TRIO: variants seen among roughly 807,000 people sequenced by gnomAD.
TRIO encodes triple functional domain protein.
In TRIO, 58 loss-of-function variants were observed where a neutral mutation model predicts 351.9. That is an observed-to-expected ratio of 0.16 (90% CI 0.13 to 0.21). The LOEUF (loss-of-function observed/expected upper bound fraction) is 0.21. TRIO is among the 10% of genes least tolerant of loss of function. The pLI is 1.00. For synonymous variants in TRIO, 1,758 were observed against 1,595.7 expected, an observed-to-expected ratio of 1.10 and a Z score of -2.42; for missense variants, 3,201 against 4,027.8, an observed-to-expected ratio of 0.79 and a Z score of 5.56.
intron 11 of TRIO, among the ~76,000 whole-genome samples, chr5:14,341,488 T>C (rs1284996604): frequency 6.6e-6 from 1 of 152,254 alleles, no homozygotes; most frequent in Non-Finnish European, 1.5e-5. Context: ...CTAACTAGTC[T>C]ACCTCCTGGA....
At chr5:14,317,455 G>A (rs1006475507) in intron 9 of TRIO, among the ~76,000 whole-genome samples, 2 of 152,220 alleles carry the variant, frequency 1.3e-5, no homozygotes, top group African/African-American at 4.8e-5. Flanking sequence ...CCTGGAGTAT[G>A]CAGGGTAGCC....
chr5:14,447,115 C>T (rs1267983420), intron 34 of TRIO, among the ~76,000 whole-genome samples: 6 of 152,148 alleles, frequency 3.9e-5, no homozygotes, highest in Admixed American at 3.9e-4. Context: ...ACCTATAATT[C>T]CAGCTGCTCG....
chr5:14,235,851 T>TG lies in TRIO; in HGVS notation c.158-34970dup, dbSNP rs1274836837. 3.9e-4 allele frequency among the ~76,000 whole-genome samples: 59 copies of TG among 152,238 alleles called. 1 individual carries two copies. Among genetic ancestry groups the TG allele is most frequent in the South Asian group, 2.1e-3 (10 of 4,800 alleles). ...TAAAAAAAATTTTTTTTATTAGAGTTGGGGTCTCACTGTGTTGACCAGGCT... is the reference window on the plus strand; with the variant it reads ...TAAAAAAAATTTTTTTTATTAGAGTTGGGGGTCTCACTGTGTTGACCAGGCT... On this transcript the variant is annotated intron_variant, in intron 1 of 56. Coordinates refer to ENST00000344204, the MANE Select transcript of TRIO (RefSeq NM_007118.4).
chr5:14,441,169 AGC>A (rs1752008379), intron 34 of TRIO: 1 of 152,828 alleles, frequency 6.5e-6, no homozygotes, highest in Non-Finnish European at 1.5e-5. Context: ...TTTGCTGCCA[AGC>A]GGGTGGCTCT....
At chr5:14,456,082 C>T (rs2126464093) in intron 34 of TRIO, among the ~76,000 whole-genome samples, 1 of 152,360 alleles carries the variant, frequency 6.6e-6, no homozygotes, top group Admixed American at 6.5e-5. Context: ...GCTGGGGGAC[C>T]CGGCACACCC....
At position 14,147,747 on chromosome 5, in the gene TRIO, A is replaced by G. The variant is rs114764428; in HGVS notation, c.157+3865A>G. Among the ~76,000 whole-genome samples the G allele has an allele frequency of 9.0e-3, 1,373 of 152,246 alleles. 22 individuals carry two copies. Among genetic ancestry groups the G allele is most frequent in the African/African-American group, 0.031 (1,304 of 41,526 alleles). ...GGAGTATTGAGAGAAGCTTTTCTTC[A>G]TATTTATACCTTGAATGCCACTTAG... On this transcript the variant is annotated intron_variant, in intron 1 of 56. Coordinates refer to ENST00000344204, the MANE Select transcript of TRIO (RefSeq NM_007118.4).
At chr5:14,444,962 C>A (rs1561498248) in intron 34 of TRIO, among the ~76,000 whole-genome samples, 1 of 152,186 alleles carries the variant, frequency 6.6e-6, no homozygotes, top group Non-Finnish European at 1.5e-5. Flanking sequence ...TTTTGGAATT[C>A]TTTTCTTATT....
chr5:14,429,942 T>C (rs1464444559), intron 34 of TRIO, among the ~76,000 whole-genome samples: 1 of 152,184 alleles, frequency 6.6e-6, no homozygotes, highest in Non-Finnish European at 1.5e-5. Flanking sequence ...TTTTTTTAGA[T>C]GTGTAATACT....
chr5:14,275,375 T>G (rs894241416), intron 2 of TRIO, among the ~76,000 whole-genome samples: 3 of 152,192 alleles, frequency 2.0e-5, no homozygotes, highest in Non-Finnish European at 4.4e-5. Context: ...GGATATGCTA[T>G]CAGCTTGAAA....
At chr5:14,194,771 T>A (rs1258430312) in intron 1 of TRIO, among the ~76,000 whole-genome samples, 3 of 152,260 alleles carry the variant, frequency 2.0e-5, no homozygotes, top group African/African-American at 7.2e-5. Flanking sequence ...TACACACATA[T>A]ATGCATACGT....
At chr5:14,321,591 T>C (rs904830848) in intron 9 of TRIO, among the ~76,000 whole-genome samples, 2 of 152,216 alleles carry the variant, frequency 1.3e-5, no homozygotes, top group African/African-American at 4.8e-5. Flanking sequence ...GATCTCCTAT[T>C]CTGTGCCTTT....
intron 28 of TRIO, among the ~76,000 whole-genome samples, chr5:14,394,505 C>G (rs1747391583): frequency 6.6e-6 from 1 of 152,146 alleles, no homozygotes; most frequent in Non-Finnish European, 1.5e-5. Flanking sequence ...GGAAACTAGC[C>G]TCAGACTGTA....
chr5:14,143,638 C>T lies in TRIO; in HGVS notation c.-88C>T, dbSNP rs969586066. Reference sequence around the variant, plus strand: ...CGGGCGCGGGCAGCTGGGTGCTCGGCGCCGCCAGGCCCGGCGCGGAGCGGG... The same window carrying T: ...CGGGCGCGGGCAGCTGGGTGCTCGGTGCCGCCAGGCCCGGCGCGGAGCGGG... On this transcript the variant is annotated 5_prime_UTR_variant, in exon 1 of 57. Transcript: ENST00000344204. The T allele has an allele frequency of 5.2e-6, 3 of 573,624 alleles. No homozygotes were observed. Among genetic ancestry groups the T allele is most frequent in the South Asian group, 7.5e-5 (1 of 13,296 alleles). The allele number at this position is 573,624 out of a possible 1,614,324, so 35.5% of individuals were successfully genotyped here.
At chr5:14,203,853 A>G (rs1791295066) in intron 1 of TRIO, among the ~76,000 whole-genome samples, 1 of 152,228 alleles carries the variant, frequency 6.6e-6, no homozygotes, top group Non-Finnish European at 1.5e-5. Context: ...TTAGAGAAAC[A>G]CAGCAGGAAT....
At chr5:14,201,398 T>A (rs1476163668) in intron 1 of TRIO, among the ~76,000 whole-genome samples, 2 of 152,150 alleles carry the variant, frequency 1.3e-5, no homozygotes, top group African/African-American at 4.8e-5. Flanking sequence ...AGCAGCTTTT[T>A]AAAAAAAATT....
At chr5:14,499,915 G>A (rs751399118) in intron 53 of TRIO, among the ~76,000 whole-genome samples, 9 of 152,028 alleles carry the variant, frequency 5.9e-5, no homozygotes, top group African/African-American at 1.4e-4. Context: ...AGCCGGCGTG[G>A]TGGCAAGCGC....
intron 1 of TRIO, among the ~76,000 whole-genome samples, chr5:14,223,518 G>A (rs1259159590): frequency 6.6e-6 from 1 of 152,148 alleles, no homozygotes; most frequent in Non-Finnish European, 1.5e-5. Context: ...GGGCGGTGGA[G>A]CAACTAGCCT....
At chr5:14,403,713 T>G in intron 31 of TRIO, among the ~76,000 whole-genome samples, 2 of 108,614 alleles carry the variant, frequency 1.8e-5, no homozygotes, top group African/African-American at 3.7e-5. Context: ...GTGGTGAGGG[T>G]GTAGGTTGTG....
Position 14,359,390 on chromosome 5 carries a change from C to T in TRIO, c.2250C>T (p.His750=). The T allele has an allele frequency of 6.2e-7, 1 of 1,614,242 alleles. No individual in the cohort carries two copies. Among genetic ancestry groups the T allele is most frequent in the Non-Finnish European group, 8.5e-7 (1 of 1,180,012 alleles). The change falls in exon 13 of 57, where the codon CAC becomes CAT. Residue 750 remains histidine, a synonymous_variant. Coordinates refer to ENST00000344204, the MANE Select transcript of TRIO (RefSeq NM_007118.4). ...DSAISSNKTP[H]NSSINHIETV... is the part of the protein sequence containing the mutation. ...CCATCTCCAGTAACAAGACCCCCCACAACAGCTCCATCAACCACATTGAGA... is the reference window on the plus strand; with the variant it reads ...CCATCTCCAGTAACAAGACCCCCCATAACAGCTCCATCAACCACATTGAGA...
Sources: gnomAD v4.1 joint callset for allele counts (sites outside exome capture counted in the v4.1 genomes callset) on GRCh38, gnomAD v4.1.1 for gene constraint, MANE v1.5 for transcripts, NCBI Gene and HGNC (gene_info 2026-07-23, HGNC 2026-07-21) for gene names.